Variants in ZPLD1 observed in about 807,000 individuals in gnomAD.
ZPLD1 encodes zona pellucida-like domain-containing protein 1.
ZPLD1 carries 34 observed loss-of-function variants against 47.2 expected under a neutral mutation model. The ratio of observed to expected loss-of-function variants is 0.72; its 90% confidence interval spans 0.55 to 0.96. The LOEUF is 0.96. Ranked by LOEUF, ZPLD1 falls within the 40% of genes least tolerant of loss-of-function variation. The probability of loss-of-function intolerance (pLI) is 0.00; values close to 1 mark genes in which losing one functional copy is unlikely to be tolerated. For missense variants in ZPLD1, 512 were observed against 505.8 expected (o/e 1.01, Z -0.12); for synonymous variants, 176 against 186.2 (o/e 0.95, Z 0.45).
chr3:102,435,277 A>G, intron 1 of ZPLD1, 123 bp downstream of exon 1: 1 of 1,034,868 alleles, frequency 9.7e-7, no homozygotes, highest in Non-Finnish European at 1.5e-6. Flanking sequence ...GATTCAAAAT[A>G]GGGATACTGC....
chr3:102,448,451 A>G (rs561548796), intron 3 of ZPLD1, among the ~76,000 whole-genome samples: 1 of 151,598 alleles, frequency 6.6e-6, no homozygotes, highest in East Asian at 1.9e-4. Context: ...AACTTGAGGT[A>G]TCCTTCTTTT....
chr3:102,461,340 C>G (rs1233427158), intron 6 of ZPLD1, among the ~76,000 whole-genome samples: 7 of 151,934 alleles, frequency 4.6e-5, no homozygotes, highest in Admixed American at 3.9e-4. Flanking sequence ...TTTTTGCACT[C>G]TATTTTTTCT....
At chr3:102,451,920 G>T (rs1707343013) in intron 3 of ZPLD1, among the ~76,000 whole-genome samples, 1 of 152,062 alleles carries the variant, frequency 6.6e-6, no homozygotes, top group South Asian at 2.1e-4. Context: ...TCCAAATAAA[G>T]CCTAAGGTAC....
upstream of ZPLD1, among the ~76,000 whole-genome samples, chr3:102,433,115 C>G (rs907744439): frequency 3.9e-5 from 6 of 152,258 alleles, no homozygotes; most frequent in East Asian, 1.2e-3. Context: ...TCAGCATCCC[C>G]CCACTCCCTG....
chr3:102,457,122 A>G (rs1707429203), intron 5 of ZPLD1, among the ~76,000 whole-genome samples: 4 of 152,218 alleles, frequency 2.6e-5, no homozygotes. Context: ...AGTCTTAGTT[A>G]TTGCTTAATC....
intron 3 of ZPLD1, among the ~76,000 whole-genome samples, chr3:102,441,035 A>G (rs578069572): frequency 2.6e-5 from 4 of 152,222 alleles, no homozygotes; most frequent in African/African-American, 9.6e-5. Flanking sequence ...GAGAGATGCT[A>G]ATTGTGTTCA....
At chr3:102,425,872 A>G (rs1430849956) in intron 8 of ZPLD1, among the ~76,000 whole-genome samples, 2 of 150,864 alleles carry the variant, frequency 1.3e-5, no homozygotes, top group Non-Finnish European at 2.9e-5. Flanking sequence ...TAAGCCTACT[A>G]GATGAAATAT....
At chr3:102,413,324 T>C (rs1706766881) in intron 7 of ZPLD1, among the ~76,000 whole-genome samples, 1 of 151,860 alleles carries the variant, frequency 6.6e-6, no homozygotes, top group Admixed American at 6.6e-5. Context: ...TCATAGACAC[T>C]TTCTCCAAAT....
chr3:102,443,135 C>T (rs1416655109), intron 3 of ZPLD1, among the ~76,000 whole-genome samples: 1 of 152,108 alleles, frequency 6.6e-6, no homozygotes. Flanking sequence ...ATGATAAAGG[C>T]ACATCCAAAG....
At chr3:102,453,406 C>T (rs139893736) in intron 4 of ZPLD1, among the ~76,000 whole-genome samples, 11 of 152,294 alleles carry the variant, frequency 7.2e-5, no homozygotes, top group Non-Finnish European at 1.0e-4. Context: ...GTGACACTGA[C>T]GGATCTGTCT....
intron 7 of ZPLD1, among the ~76,000 whole-genome samples, chr3:102,398,321 C>A (rs927703719): frequency 1.3e-5 from 2 of 151,960 alleles, no homozygotes; most frequent in Non-Finnish European, 2.9e-5. Context: ...ATAATGTAGG[C>A]AGCAGAGGTC....
intron 7 of ZPLD1, among the ~76,000 whole-genome samples, chr3:102,463,833 A>G (rs1204544357): frequency 1.3e-5 from 2 of 150,000 alleles, no homozygotes; most frequent in Non-Finnish European, 3.0e-5. Context: ...AGGTCAAGAG[A>G]TTGAGACCAT....
rs1338213041 is a variant in ZPLD1 at position 102,479,402 on chromosome 3, A to G, written c.*1784A>G. ...TGAATTGCCATTGATTCTACGATTA[A>G]GTTCTGTGAATAGGACATTATATCA... On this transcript the variant is annotated 3_prime_UTR_variant, in exon 12 of 12. Transcript: ENST00000466937. 1.3e-5 allele frequency: 2 copies of G among 152,178 alleles called. No individual in the cohort carries two copies. Among genetic ancestry groups the G allele is most frequent in the Non-Finnish European group, 2.9e-5 (2 of 68,002 alleles). The allele number at this position is 152,178 out of a possible 1,614,324, so 9.4% of individuals were successfully genotyped here. A position where few individuals can be genotyped will look rare whatever the true frequency, so the allele number is the denominator to read the frequency against.
At chr3:102,476,927 T>C (rs907732275) in intron 10 of ZPLD1, 85 bp from the exon 11 acceptor site, 5 of 1,475,574 alleles carry the variant, frequency 3.4e-6, no homozygotes, top group Non-Finnish European at 4.7e-6. Flanking sequence ...AAAATGTAGG[T>C]ACAATGTAAT....
intron 3 of ZPLD1, among the ~76,000 whole-genome samples, chr3:102,452,250 G>A (rs1356914758): frequency 7.5e-6 from 1 of 132,922 alleles, no homozygotes; most frequent in African/African-American, 2.9e-5. Context: ...TCCATGTTTA[G>A]GTCATTTTTT....
intron 10 of ZPLD1, among the ~76,000 whole-genome samples, chr3:102,472,302 G>C (rs541066903): frequency 1.3e-5 from 2 of 152,166 alleles, no homozygotes; most frequent in South Asian, 4.2e-4. Flanking sequence ...GAGGCTGAGG[G>C]GGGTGGATAA....
intron 10 of ZPLD1, among the ~76,000 whole-genome samples, chr3:102,471,085 AT>A (rs1454419310): frequency 6.6e-6 from 1 of 152,074 alleles, no homozygotes; most frequent in African/African-American, 2.4e-5. Context: ...GGACGTGTGT[AT>A]CCGCTTGGAT....
intron 6 of ZPLD1, among the ~76,000 whole-genome samples, chr3:102,386,287 CTTTTTTTT>C (rs1224691188): frequency 7.9e-6 from 1 of 125,976 alleles, no homozygotes; most frequent in Admixed American, 8.1e-5. Context: ...TAAGTGGGGT[CTTTTTTTT>C]TTTTTTTTTC....
At chr3:102,470,857 C>G (rs1707673178) in intron 10 of ZPLD1, among the ~76,000 whole-genome samples, 2 of 151,838 alleles carry the variant, frequency 1.3e-5, no homozygotes, top group African/African-American at 4.8e-5. Context: ...CGGCTCACTG[C>G]AACCTCCGCC....
Sources: gnomAD v4.1 joint callset for allele counts (sites outside exome capture counted in the v4.1 genomes callset) on GRCh38, gnomAD v4.1.1 for gene constraint, MANE v1.5 for transcripts, NCBI Gene and HGNC (gene_info 2026-07-23, HGNC 2026-07-21) for gene names.